The following HSPG2 variants were observed in gnomAD, a reference collection of about 807,000 sequenced individuals.
The protein encoded by HSPG2 is heparan sulfate proteoglycan 2, also known as basement membrane-specific heparan sulfate proteoglycan core protein.
A neutral mutation model predicts 526.6 loss-of-function variants in HSPG2; 278 were observed. That is an observed-to-expected ratio of 0.53 (90% confidence interval 0.48 to 0.58). The LOEUF (loss-of-function observed/expected upper bound fraction) is 0.58. Ranked by LOEUF, HSPG2 falls within the 20% of genes least tolerant of loss-of-function variation. The pLI, the probability that HSPG2 is intolerant of heterozygous loss-of-function variation, is 0.00. For synonymous variants in HSPG2, 2,465 were observed against 2,555.4 expected (o/e 0.96, Z 1.07); for missense variants, 5,354 against 6,099.5 (o/e 0.88, Z 4.07).
intron 64 of HSPG2, among the ~76,000 whole-genome samples, chr1:21,845,431 T>G (rs774461115): frequency 6.6e-6 from 1 of 152,092 alleles, no homozygotes; most frequent in Non-Finnish European, 1.5e-5. Context: ...CAGGCTGGAG[T>G]GCAGTGGTGC....
In HSPG2 at chr1:21,831,710, C is replaced by T. The variant is rs114223739; in HGVS notation, c.11294G>A (p.Ser3765Asn). The change falls in exon 82 of 97, where the codon AGC becomes AAC. Residue 3765 changes from serine to asparagine, a missense_variant. Ser to Asn is a conservative substitution (Grantham distance 46). Coordinates refer to ENST00000374695, the MANE Select transcript of HSPG2 (RefSeq NM_005529.7). ...CACAATCAGGGAGCCCTGGGTGAGG[C>T]TGCGCAGCAGGGTCACGGTGTGGAA... ...GHFHTVTLLR[S>N]LTQGSLIVGD... 6.1e-4 allele frequency: 985 copies of T among 1,606,198 alleles called. 5 individuals carry two copies. The African/African-American group carries it at 0.011, about 18-fold the overall frequency.
rs772338296 is a variant in HSPG2 at position 21,828,955 on chromosome 1, C to T, written c.12117G>A (p.Ser4039=). 19 of 1,576,786 alleles carry T rather than the reference C, an allele frequency of 1.2e-5. No individual in the cohort carries two copies. The highest frequency in any genetic ancestry group is 2.3e-5 in the South Asian group (2 of 85,874). ...VNGGRPVLRS[S]PGKSQGLNLH... ...GGTTGAGGCCCTGGCTCTTGCCGGG[C>T]GAGGAGCGCAGCACAGGGCGTCCAC... The change falls in exon 88 of 97, where the codon TCG becomes TCA. Residue 4039 remains serine (S), a synonymous_variant. Transcript: ENST00000374695. This position sits in a 1 kb window ranked among gnomAD's most constrained non-coding sequence, Gnocchi z 6.0.
intron 1 of HSPG2, among the ~76,000 whole-genome samples, chr1:21,910,892 C>T (rs1643621857): frequency 6.6e-6 from 1 of 152,172 alleles, no homozygotes; most frequent in Non-Finnish European, 1.5e-5. Context: ...TCTTATTTCA[C>T]AAGCAAGAAA....
rs775520628 is a variant in HSPG2 at position 21,852,982 on chromosome 1, G to A, written c.6528C>T (p.Pro2176=). ...GQTLDLNCVV[P]GQAHAQVTWH... is the part of the protein sequence containing the mutation. ...ACGTGACCTGGGCGTGGGCCTGCCC[G>A]GGCACCACGCAGTTCAGATCCAGGG... The change falls in exon 51 of 97, where the codon CCC becomes CCT. Residue 2176 remains proline, a synonymous_variant. Coordinates refer to ENST00000374695, the MANE Select transcript of HSPG2 (RefSeq NM_005529.7). The A allele has an allele frequency of 1.5e-5, 24 of 1,613,356 alleles. No individual in the cohort carries two copies. Among genetic ancestry groups the A allele is most frequent in the Middle Eastern group, 1.6e-4 (1 of 6,076 alleles).
chr1:21,846,733 C>T, intron 62 of HSPG2, 134 bp from the exon 63 acceptor site: 2 of 998,612 alleles, frequency 2.0e-6, no homozygotes, highest in Non-Finnish European at 3.1e-6. Flanking sequence ...GGCATGGTGG[C>T]TCATGCCTGT....
At position 21,848,561 on chromosome 1, in the gene HSPG2, A is replaced by C; in HGVS notation, c.7737+82T>G. 6.9e-7 allele frequency: 1 copy of C among 1,459,114 alleles called. No individual in the cohort carries two copies. Among genetic ancestry groups the C allele is most frequent in the Non-Finnish European group, 9.6e-7 (1 of 1,042,496 alleles). 90.4% of individuals were successfully genotyped at this position (1,459,114 alleles called of 1,614,324 possible). On this transcript the variant is annotated intron_variant, in intron 59 of 96. Transcript: ENST00000374695. This position sits in a 1 kb window ranked among gnomAD's most constrained non-coding sequence, Gnocchi z 4.9. ...TTGTTGAATGACTGAATGAGCACAGAGTGAGGTGCTGAGAGTCCCCCCTCT... is the reference window on the plus strand; with the variant it reads ...TTGTTGAATGACTGAATGAGCACAGCGTGAGGTGCTGAGAGTCCCCCCTCT...
At position 21,831,230 on chromosome 1, in the gene HSPG2, C is replaced by T; in HGVS notation, c.11547G>A (p.Arg3849=). The change falls in exon 84 of 97, where the codon CGG becomes CGA. Residue 3849 remains arginine (R), a synonymous_variant. Transcript: ENST00000374695. The part of the protein sequence containing the change: ...AHGISHCPTC[R]DRPCQNGGQC... ...GTGGGGTCACCTGGCAGGGCCGGTC[C>T]CGACAGGTGGGGCAGTGGGAGATGC... 6.2e-7 allele frequency: 1 copy of T among 1,613,920 alleles called. No homozygotes were observed. Among genetic ancestry groups the T allele is most frequent in the Non-Finnish European group, 8.5e-7 (1 of 1,179,910 alleles).
chr1:21,833,684 C>T (rs756690128), intron 78 of HSPG2, 70 bp from the exon 79 acceptor site: 2 of 1,601,936 alleles, frequency 1.2e-6, no homozygotes, highest in African/African-American at 1.3e-5. Context: ...CCCATCTGTG[C>T]CTCAGGCCCA....
At chr1:21,888,382 G>A (rs928292986) in intron 6 of HSPG2, among the ~76,000 whole-genome samples, 2 of 152,236 alleles carry the variant, frequency 1.3e-5, no homozygotes, top group African/African-American at 4.8e-5. Flanking sequence ...AGGGGAGAAG[G>A]GAGTGCCCAG....
chr1:21,841,348 A>G (rs1427249570), intron 70 of HSPG2, 63 bp from the exon 71 acceptor site: 6 of 1,600,950 alleles, frequency 3.7e-6, no homozygotes, highest in South Asian at 3.3e-5. Flanking sequence ...CCACACTGCC[A>G]TGGCCTCCAG....
At chr1:21,924,896 C>T (rs139547183) in intron 1 of HSPG2, among the ~76,000 whole-genome samples, 22 of 152,316 alleles carry the variant, frequency 1.4e-4, no homozygotes, top group African/African-American at 4.6e-4. Flanking sequence ...CCCATTTCCT[C>T]TAGAAAGTCT....
At position 21,859,455 on chromosome 1, in the gene HSPG2, C is replaced by G; in HGVS notation, c.5293+111G>C. On this transcript the variant is annotated intron_variant, in intron 42 of 96. Coordinates refer to ENST00000374695, the MANE Select transcript of HSPG2 (RefSeq NM_005529.7). This position sits in a 1 kb window ranked among gnomAD's most constrained non-coding sequence, Gnocchi z 5.3. ...CATCTCCATGGCTGCTGACCTTGTT[C>G]GGGCAACCACTGCCCCCTCCCAGCA... The G allele has an allele frequency of 6.1e-6, 5 of 826,062 alleles. No individual in the cohort carries two copies. The highest frequency in any genetic ancestry group is 1.0e-5 in the Non-Finnish European group (5 of 492,070). The allele number at this position is 826,062 out of a possible 1,614,324, so 51.2% of individuals were successfully genotyped here.
rs149661131 is a variant in HSPG2 at position 21,930,495 on chromosome 1, C to T, written c.63+6660G>A. Among the ~76,000 whole-genome samples the T allele has an allele frequency of 3.9e-4, 60 of 152,270 alleles. 1 individual carries two copies. The East Asian group carries it at 6.8e-3, about 17-fold the overall frequency. ...GGTAACCTCAAGATCTAGAACAGGGCGGGTGCAGTGGCTCACGCCTGTAAT... is the reference window on the plus strand; with the variant it reads ...GGTAACCTCAAGATCTAGAACAGGGTGGGTGCAGTGGCTCACGCCTGTAAT... On this transcript the variant is annotated intron_variant, in intron 1 of 96. Coordinates refer to ENST00000374695, the MANE Select transcript of HSPG2 (RefSeq NM_005529.7).
chr1:21,872,273 C>G lies in HSPG2; in HGVS notation c.4134G>C (p.Glu1378Asp). Residue 1378 changes from glutamate (E) to aspartate (D), a missense_variant, in exon 33 of 97, where the codon GAG becomes GAC. Glu to Asp is a conservative substitution (Grantham distance 45). Transcript: ENST00000374695. This position sits in a 1 kb window ranked among gnomAD's most constrained non-coding sequence, Gnocchi z 5.5. The stretch of plus-strand genomic sequence containing the variant: ...AGTTGCCAAAAGAGAGCTGGGCACC[C>G]TCGGGCACGGGTTCCACAGTGAATT... Reference protein sequence around the residue: ...TGEFTVEPVPEGAQLSFGNFA... With the variant: ...TGEFTVEPVPDGAQLSFGNFA... The G allele has an allele frequency of 6.4e-7, 1 of 1,558,516 alleles. No individual in the cohort carries two copies. The highest frequency in any genetic ancestry group is 8.7e-7 in the Non-Finnish European group (1 of 1,150,820).
rs1333588719 is a variant in HSPG2, at chr1:21,858,239, C to T, written c.5294-854G>A. Among the ~76,000 whole-genome samples the T allele has an allele frequency of 6.6e-6, 1 of 152,096 alleles. No homozygotes were observed. The highest frequency in any genetic ancestry group is 1.5e-5 in the Non-Finnish European group (1 of 68,038). On this transcript the variant is annotated intron_variant, in intron 42 of 96. Transcript: ENST00000374695. The surrounding 1 kb of genome is among the most constrained non-coding windows in gnomAD (Gnocchi z 4.2). ...TGACCTCCAAGGGCTATTTCTCTGC[C>T]CTTATGTGACTTCCCAGCAGGGAGG...
At chr1:21,919,755 TC>T (rs1643982485) in intron 1 of HSPG2, among the ~76,000 whole-genome samples, 1 of 152,124 alleles carries the variant, frequency 6.6e-6, no homozygotes, top group Non-Finnish European at 1.5e-5. Flanking sequence ...TCTGACAAGC[TC>T]CCAGTTGAGG....
intron 52 of HSPG2, 127 bp from the exon 53 acceptor site, chr1:21,852,360 G>T: frequency 8.2e-7 from 1 of 1,216,858 alleles, no homozygotes; most frequent in South Asian, 1.3e-5. Flanking sequence ...GCATCTGGGG[G>T]CCTGGACTTG....
chr1:21,902,898 G>A (rs753979796), intron 1 of HSPG2, among the ~76,000 whole-genome samples: 1 of 152,138 alleles, frequency 6.6e-6, no homozygotes, highest in Non-Finnish European at 1.5e-5. Context: ...GTATGCACTG[G>A]GCATCCACAC....
chr1:21,896,177 C>G lies in HSPG2; in HGVS notation c.197G>C (p.Gly66Ala). ...CCAGCCTTGGATCCTTGGCTCACCT[C>G]CTGAGATGCTGTCAGCCAGCATGTC... ...DEDMLADSIS[G>A]DDLGSGDLGS... Residue 66 changes from glycine (G) to alanine (A), a missense_variant and splice_region_variant, in exon 2 of 97, where the codon GGA becomes GCA. Coordinates refer to ENST00000374695, the MANE Select transcript of HSPG2 (RefSeq NM_005529.7). The G allele has an allele frequency of 6.2e-7, 1 of 1,614,052 alleles. No homozygotes were observed. The highest frequency in any genetic ancestry group is 1.3e-5 in the African/African-American group (1 of 74,996).
Sources: gnomAD v4.1 joint callset for allele counts (sites outside exome capture counted in the v4.1 genomes callset) on GRCh38, gnomAD v4.1.1 for gene constraint, Gnocchi (gnomAD v3.1) non-coding constraint, MANE v1.5 for transcripts, NCBI Gene and HGNC (gene_info 2026-07-23, HGNC 2026-07-21) for gene names.